The following EXOC4 variants were observed in gnomAD, a reference collection of about 807,000 sequenced individuals.
EXOC4 encodes SEC8-like 1.
EXOC4 carries 71 observed loss-of-function variants against 107.2 expected under a neutral mutation model. That is an observed-to-expected ratio of 0.66 (90% confidence interval 0.55 to 0.81). The LOEUF (loss-of-function observed/expected upper bound fraction) is 0.81, where lower values mean the gene tolerates loss of function less well. Ranked by LOEUF, EXOC4 falls within the 30% of genes least tolerant of loss-of-function variation. The probability of loss-of-function intolerance (pLI) is 0.00; values close to 1 mark genes in which losing one functional copy is unlikely to be tolerated. For missense variants in EXOC4, 1,108 were observed against 1,189.6 expected (o/e 0.93, Z 1.01); for synonymous variants, 456 against 441.2 (o/e 1.03, Z -0.42).
At chr7:133,536,723 G>T (rs1392809466) in intron 9 of EXOC4, among the ~76,000 whole-genome samples, 5 of 151,968 alleles carry the variant, frequency 3.3e-5, no homozygotes, top group East Asian at 3.9e-4. Flanking sequence ...TCAAGTGCTG[G>T]TGTGGGGACT....
chr7:133,496,927 G>A (rs565638825), intron 9 of EXOC4, among the ~76,000 whole-genome samples: 3 of 152,200 alleles, frequency 2.0e-5, no homozygotes, highest in South Asian at 2.1e-4. Context: ...CCCTGGTTGG[G>A]CCTCACATGA....
At chr7:133,467,631 C>A (rs1798764127) in intron 7 of EXOC4, among the ~76,000 whole-genome samples, 1 of 145,746 alleles carries the variant, frequency 6.9e-6, no homozygotes, top group South Asian at 2.2e-4. Flanking sequence ...TCAGTGTACT[C>A]CCTTTCCAGG....
At chr7:133,571,652 A>G (rs4731966) in intron 9 of EXOC4, among the ~76,000 whole-genome samples, 150,135 of 150,616 alleles carry the variant, frequency 1, 74,831 homozygotes, top group Middle Eastern at 1. Context: ...GCCAGCCTGG[A>G]TGACAGAGTG....
At chr7:133,473,362 T>A (rs1256237622) in intron 7 of EXOC4, among the ~76,000 whole-genome samples, 7 of 152,306 alleles carry the variant, frequency 4.6e-5, no homozygotes, top group South Asian at 4.1e-4. Context: ...TCTGTTGACA[T>A]GTTTTGTATT....
At chr7:134,097,177 A>T in the EXOC4 span, among the ~76,000 whole-genome samples, 2 of 152,152 alleles carry the variant, frequency 1.3e-5, no homozygotes, top group Non-Finnish European at 2.9e-5. Context: ...ACTCCCAATG[A>T]TTGGAGATGT....
chr7:134,029,082 G>A (rs562022714), intron 17 of EXOC4, among the ~76,000 whole-genome samples: 4 of 152,316 alleles, frequency 2.6e-5, no homozygotes, highest in Admixed American at 1.3e-4. Flanking sequence ...TGACCCTGTC[G>A]AGGCCAAGAT....
In EXOC4 at chr7:133,533,200, T is replaced by G. The variant is rs529544345; in HGVS notation, c.1417+53062T>G. Among the ~76,000 whole-genome samples, 10 of 152,284 alleles carry G rather than the reference T, an allele frequency of 6.6e-5. No individual in the cohort carries two copies. The South Asian group carries it at 2.1e-3, about 32-fold the overall frequency. ...CACTTAACCATTTCTGTTTAGTATT[T>G]ACCAGTTCAATCAATATGAATAGTA... On this transcript the variant is annotated intron_variant, in intron 9 of 17. Transcript: ENST00000253861.
At position 133,769,471 on chromosome 7, in the gene EXOC4, C is replaced by T. The variant is rs116004668; in HGVS notation, c.1515-47854C>T. Reference sequence around the variant, plus strand: ...CATGTTTTTGATCCATCAAATCTTTCTGTCCTGGGGTTGTGTTTGGTTTTT... The same window carrying T: ...CATGTTTTTGATCCATCAAATCTTTTTGTCCTGGGGTTGTGTTTGGTTTTT... On this transcript the variant is annotated intron_variant, in intron 10 of 17. Transcript: ENST00000253861. Among the ~76,000 whole-genome samples, 875 of 151,958 alleles carry T rather than the reference C, an allele frequency of 5.8e-3. 9 individuals are homozygous for T. The highest frequency in any genetic ancestry group is 0.02 in the African/African-American group (836 of 41,484).
chr7:133,535,224 C>T (rs1002192165), intron 9 of EXOC4, among the ~76,000 whole-genome samples: 4 of 151,986 alleles, frequency 2.6e-5, no homozygotes. Context: ...GTCATTATCC[C>T]GATTTTACTC....
Position 133,326,784 on chromosome 7 carries a change from C to G in EXOC4, c.763+9394C>G, listed in dbSNP as rs576010846. ...GCAGAGGTTTCTGCTGCCTTTCGTTCGGCTATGCCCTGCCCCCAGAGGTGC... is the reference window on the plus strand; with the variant it reads ...GCAGAGGTTTCTGCTGCCTTTCGTTGGGCTATGCCCTGCCCCCAGAGGTGC... On this transcript the variant is annotated intron_variant, in intron 5 of 17. Coordinates refer to ENST00000253861, the MANE Select transcript of EXOC4 (RefSeq NM_021807.4). 2.6e-5 allele frequency among the ~76,000 whole-genome samples: 4 copies of G among 152,222 alleles called. 1 individual carries two copies. The South Asian group carries it at 8.3e-4, about 31-fold the overall frequency.
chr7:133,824,588 C>G (rs531037553), intron 11 of EXOC4, among the ~76,000 whole-genome samples: 1 of 152,272 alleles, frequency 6.6e-6, no homozygotes, highest in South Asian at 2.1e-4. Context: ...TTTCCTAGGG[C>G]TGCCATGATA....
chr7:133,287,941 A>G (rs1430404279), intron 2 of EXOC4, among the ~76,000 whole-genome samples: 3 of 152,218 alleles, frequency 2.0e-5, no homozygotes, highest in African/African-American at 7.2e-5. Flanking sequence ...TGTCCCATGT[A>G]TTGATGAAGG....
intron 7 of EXOC4, among the ~76,000 whole-genome samples, chr7:133,449,704 A>G (rs1798296629): frequency 7.0e-6 from 1 of 143,598 alleles, no homozygotes; most frequent in Non-Finnish European, 1.5e-5. Context: ...TTTTTTCTGT[A>G]AAGCAAGAAA....
At chr7:133,277,015 G>A (rs745804668) in intron 2 of EXOC4, among the ~76,000 whole-genome samples, 1 of 151,376 alleles carries the variant, frequency 6.6e-6, no homozygotes, top group Non-Finnish European at 1.5e-5. Context: ...AGGCTGGAGT[G>A]CAATGGCGCG....
intron 6 of EXOC4, among the ~76,000 whole-genome samples, chr7:133,374,101 A>T (rs1796434674): frequency 6.6e-6 from 1 of 152,174 alleles, no homozygotes; most frequent in Non-Finnish European, 1.5e-5. Context: ...TCTATTCTAG[A>T]GCTGTAGTGA....
chr7:133,466,723 AC>A (rs1277799340), intron 7 of EXOC4, among the ~76,000 whole-genome samples: 1 of 152,202 alleles, frequency 6.6e-6, no homozygotes, highest in Non-Finnish European at 1.5e-5. Flanking sequence ...ATTATAGAAA[AC>A]TGTAGAGCAG....
At chr7:133,986,757 A>G (rs1361445090) in intron 14 of EXOC4, among the ~76,000 whole-genome samples, 2 of 152,214 alleles carry the variant, frequency 1.3e-5, no homozygotes, top group African/African-American at 2.4e-5. Context: ...ATTCAAGGCA[A>G]TAAATAAAAT....
intron 7 of EXOC4, among the ~76,000 whole-genome samples, chr7:133,433,293 T>C (rs1271505136): frequency 6.6e-6 from 1 of 152,218 alleles, no homozygotes; most frequent in Non-Finnish European, 1.5e-5. Context: ...GTCTGTTTCG[T>C]CATCCAATTG....
intron 10 of EXOC4, among the ~76,000 whole-genome samples, chr7:133,686,992 TTTGTGTGTGTGTG>T (rs1409426578): frequency 9.8e-5 from 4 of 40,706 alleles, no homozygotes; most frequent in Admixed American, 3.2e-4. Flanking sequence ...GATAAAGAAT[TTTGTGTGTGTGTG>T]TGTGTGTGTG....
Sources: gnomAD v4.1 joint callset for allele counts (sites outside exome capture counted in the v4.1 genomes callset) on GRCh38, gnomAD v4.1.1 for gene constraint, MANE v1.5 for transcripts, NCBI Gene and HGNC (gene_info 2026-07-23, HGNC 2026-07-21) for gene names.